The following SKAP2 variants were observed in gnomAD, a reference collection of about 807,000 sequenced individuals.
SKAP2 encodes src kinase associated phosphoprotein 2.
SKAP2 carries 28 observed loss-of-function variants against 54.9 expected under a neutral mutation model. The ratio of observed to expected loss-of-function variants is 0.51; its 90% CI spans 0.38 to 0.70. The LOEUF is 0.70. Ranked by LOEUF, SKAP2 falls within the 30% of genes least tolerant of loss-of-function variation. The pLI is 0.00. For missense variants in SKAP2, 356 were observed against 424.1 expected (o/e 0.84, Z 1.41); for synonymous variants, 137 against 134.3 (o/e 1.02, Z -0.14).
At chr7:26,748,443 A>G (rs1390100158) in intron 4 of SKAP2, among the ~76,000 whole-genome samples, 1 of 152,126 alleles carries the variant, frequency 6.6e-6, no homozygotes, top group Non-Finnish European at 1.5e-5. Flanking sequence ...ACTAGTTTAT[A>G]TATTTATAAT....
intron 4 of SKAP2, among the ~76,000 whole-genome samples, chr7:26,809,793 A>G (rs892236275): frequency 6.6e-6 from 1 of 152,218 alleles, no homozygotes; most frequent in African/African-American, 2.4e-5. Flanking sequence ...TGTCAAGGGG[A>G]TATCTGCACT....
chr7:26,754,323 C>T (rs1426706742), intron 4 of SKAP2, among the ~76,000 whole-genome samples: 1 of 149,656 alleles, frequency 6.7e-6, no homozygotes, highest in Non-Finnish European at 1.5e-5. Context: ...AAGATCACAC[C>T]ACAGAACTCC....
At chr7:26,664,056 C>T (rs1044150431), downstream of SKAP2, among the ~76,000 whole-genome samples, 1 of 152,126 alleles carries the variant, frequency 6.6e-6, no homozygotes, top group Non-Finnish European at 1.5e-5. Context: ...GGTCAACAAG[C>T]ATTTGTTGTG....
chr7:26,861,232 G>GAA (rs11424322), intron 1 of SKAP2, among the ~76,000 whole-genome samples: 263 of 147,746 alleles, frequency 1.8e-3, no homozygotes, highest in Middle Eastern at 6.9e-3. Flanking sequence ...CCTGTCTAGA[G>GAA]AAAAAAAAAA....
At chr7:26,710,785 CT>C (rs1288827327) in intron 9 of SKAP2, among the ~76,000 whole-genome samples, 3 of 151,978 alleles carry the variant, frequency 2.0e-5, no homozygotes, top group Non-Finnish European at 4.4e-5. Context: ...GTCTTTTTTT[CT>C]TGAAAACATT....
chr7:26,672,501 T>G (rs545749477), intron 11 of SKAP2, among the ~76,000 whole-genome samples: 2 of 152,136 alleles, frequency 1.3e-5, no homozygotes, highest in Admixed American at 1.3e-4. Context: ...TCTTAAATGC[T>G]TCACTTAATT....
intron 4 of SKAP2, among the ~76,000 whole-genome samples, chr7:26,798,194 G>T (rs1017594643): frequency 6.6e-5 from 10 of 151,752 alleles, no homozygotes; most frequent in Non-Finnish European, 1.0e-4. Flanking sequence ...CAAGAAAAAA[G>T]AAACAAATAG....
intron 4 of SKAP2, among the ~76,000 whole-genome samples, chr7:26,782,394 T>C (rs1476310422): frequency 1.3e-5 from 2 of 152,238 alleles, no homozygotes; most frequent in East Asian, 3.8e-4. Context: ...AAGTTTGTTT[T>C]TACCTTTAAA....
At chr7:26,664,233 C>T (rs531395780), downstream of SKAP2, among the ~76,000 whole-genome samples, 122 of 152,168 alleles carry the variant, frequency 8.0e-4, no homozygotes, top group Non-Finnish European at 1.5e-3. Flanking sequence ...GTTTCCTAAT[C>T]GGGAAAATGG....
chr7:26,683,001 A>G (rs763521477), intron 11 of SKAP2, among the ~76,000 whole-genome samples: 1 of 152,208 alleles, frequency 6.6e-6, no homozygotes, highest in Non-Finnish European at 1.5e-5. Context: ...CTGATTCATA[A>G]AGAGGGTTTT....
At position 26,696,147 on chromosome 7, in the gene SKAP2, A is replaced by G. The variant is rs112581923; in HGVS notation, c.797-5785T>C. 5.0e-4 allele frequency among the ~76,000 whole-genome samples: 76 copies of G among 152,272 alleles called. 1 individual carries two copies. The highest frequency in any genetic ancestry group is 1.8e-3 in the African/African-American group (75 of 41,556). ...TCTAGAACTACTGGTAATATGAAGGATTTTTATATTACTATATTTTATTAT... is the reference window on the plus strand; with the variant it reads ...TCTAGAACTACTGGTAATATGAAGGGTTTTTATATTACTATATTTTATTAT... On this transcript the variant is annotated intron_variant, in intron 9 of 12. Coordinates refer to ENST00000345317, the MANE Select transcript of SKAP2 (RefSeq NM_003930.5).
At chr7:26,676,917 G>T (rs560735632) in intron 11 of SKAP2, among the ~76,000 whole-genome samples, 147 of 152,332 alleles carry the variant, frequency 9.6e-4, no homozygotes, top group Middle Eastern at 6.8e-3. Context: ...AGGCGTGAAG[G>T]CCTGCAGAGA....
At position 26,683,997 on chromosome 7, in the gene SKAP2, G is replaced by A. The variant is rs75217648; in HGVS notation, c.987+739C>T. ...GGAAATTTTTAAATCCCCATATTAC[G>A]ATAGGGGAAATTAAAATATGAAAAT... On this transcript the variant is annotated intron_variant, in intron 11 of 12. Coordinates refer to ENST00000345317, the MANE Select transcript of SKAP2 (RefSeq NM_003930.5). Among the ~76,000 whole-genome samples, 1,021 of 152,104 alleles carry A rather than the reference G, an allele frequency of 6.7e-3. 15 individuals carry two copies. Among genetic ancestry groups the A allele is most frequent in the African/African-American group, 0.023 (957 of 41,476 alleles).
intron 4 of SKAP2, among the ~76,000 whole-genome samples, chr7:26,792,274 T>G (rs1459361806): frequency 6.6e-6 from 1 of 152,200 alleles, no homozygotes; most frequent in Non-Finnish European, 1.5e-5. Context: ...ACTGTGCAAG[T>G]GGTTACCCAG....
At chr7:26,730,200 C>T (rs1787793534) in intron 6 of SKAP2, among the ~76,000 whole-genome samples, 1 of 152,206 alleles carries the variant, frequency 6.6e-6, no homozygotes, top group Non-Finnish European at 1.5e-5. Flanking sequence ...AGAGAAACTT[C>T]ACCATTATGT....
rs17154600 is a variant in SKAP2 at position 26,846,418 on chromosome 7, C to T, written c.200-2281G>A. 0.012 allele frequency among the ~76,000 whole-genome samples: 1,771 copies of T among 151,884 alleles called. 74 individuals are homozygous for T. The East Asian group carries it at 0.12, about 10-fold the overall frequency. On this transcript the variant is annotated intron_variant, in intron 3 of 12. Transcript: ENST00000345317. ...TAGTTTATTATCCTTTGATAACATC[C>T]ATTATTATGTGTGCATATATATATG...
chr7:26,728,747 T>C (rs528230128), intron 6 of SKAP2, among the ~76,000 whole-genome samples: 84 of 152,166 alleles, frequency 5.5e-4, no homozygotes, highest in African/African-American at 1.9e-3. Flanking sequence ...AAAGTGGAAG[T>C]AATGTGAGGC....
intron 4 of SKAP2, among the ~76,000 whole-genome samples, chr7:26,777,272 T>C (rs1481822212): frequency 2.6e-5 from 4 of 152,170 alleles, no homozygotes; most frequent in Admixed American, 2.6e-4. Context: ...GTAGTTGATA[T>C]AAGCTTTCTA....
intron 9 of SKAP2, among the ~76,000 whole-genome samples, chr7:26,714,955 T>G (rs891526720): frequency 1.3e-5 from 2 of 152,200 alleles, no homozygotes; most frequent in African/African-American, 2.4e-5. Context: ...ATATGAAGAC[T>G]GTTAGAAGCT....
Sources: gnomAD v4.1 joint callset for allele counts (sites outside exome capture counted in the v4.1 genomes callset) on GRCh38, gnomAD v4.1.1 for gene constraint, MANE v1.5 for transcripts, NCBI Gene and HGNC (gene_info 2026-07-23, HGNC 2026-07-21) for gene names.